The following TAS1R2 variants were observed in gnomAD, a reference collection of about 807,000 sequenced individuals.
TAS1R2 encodes taste 1 receptor member 2, also known as taste receptor type 1 member 2.
In TAS1R2, 47 loss-of-function variants were observed where a neutral mutation model predicts 49.3. The observed-to-expected ratio is 0.95, with a 90% CI of 0.75 to 1.22. The LOEUF (loss-of-function observed/expected upper bound fraction) is 1.22. TAS1R2 is among the 50% of genes most tolerant of loss of function. The pLI is 0.00. For missense variants in TAS1R2, 1,155 were observed against 1,122.1 expected (o/e 1.03, Z -0.42); for synonymous variants, 479 against 467.9 (o/e 1.02, Z -0.31).
At chr1:18,844,481 G>A (rs113724199) in intron 4 of TAS1R2, among the ~76,000 whole-genome samples, 16 of 152,338 alleles carry the variant, frequency 1.1e-4, no homozygotes, top group Admixed American at 2.6e-4. Flanking sequence ...GCCAGGCACC[G>A]TGGCTCATGC....
Position 18,841,859 on chromosome 1 carries a change from G to A in TAS1R2, c.1468-7C>T. 2 of 1,587,704 alleles carry A rather than the reference G, an allele frequency of 1.3e-6. No individual in the cohort carries two copies. Among genetic ancestry groups the A allele is most frequent in the Non-Finnish European group, 1.7e-6 (2 of 1,159,870 alleles). ...AACACATGGACATAGGGATCTGGAG[G>A]GAGGAGGGCAAGAGACCCTGAGTCC... is the stretch of plus-strand genomic sequence containing the variant. On this transcript the variant is annotated splice_polypyrimidine_tract_variant and splice_region_variant and intron_variant, in intron 4 of 5. Coordinates refer to ENST00000375371, the Ensembl canonical transcript of TAS1R2.
At chr1:18,846,686 C>A (rs1229821387) in intron 4 of TAS1R2, among the ~76,000 whole-genome samples, 2 of 152,184 alleles carry the variant, frequency 1.3e-5, no homozygotes, top group South Asian at 4.1e-4. Flanking sequence ...GGTCCTTAAT[C>A]TCATATGAGT....
chr1:18,848,774 T>C (rs868206621), intron 4 of TAS1R2, among the ~76,000 whole-genome samples: 3 of 152,214 alleles, frequency 2.0e-5, no homozygotes, highest in Admixed American at 6.5e-5. Flanking sequence ...TAATGTCTGA[T>C]GATCTGTTAC....
intron 5 of TAS1R2, among the ~76,000 whole-genome samples, chr1:18,840,916 C>T (rs943509763): frequency 6.6e-6 from 1 of 152,152 alleles, no homozygotes; most frequent in Non-Finnish European, 1.5e-5. Context: ...TTTTGAGCAC[C>T]ATCCATTGTG....
intron 3 of TAS1R2, among the ~76,000 whole-genome samples, chr1:18,851,044 G>A (rs1557598224): frequency 6.6e-6 from 1 of 152,226 alleles, no homozygotes; most frequent in Non-Finnish European, 1.5e-5. Flanking sequence ...AAGGCTCAGA[G>A]ATATTAAATT....
At chr1:18,849,123 C>T in intron 4 of TAS1R2, 2 of 571,856 alleles carry the variant, frequency 3.5e-6, no homozygotes, top group South Asian at 2.2e-5. Context: ...GGCCCCTGAG[C>T]CCCTCTTCCT....
chr1:18,849,780 C>A (rs1440966068), intron 3 of TAS1R2, among the ~76,000 whole-genome samples: 1 of 152,188 alleles, frequency 6.6e-6, no homozygotes, highest in Non-Finnish European at 1.5e-5. Context: ...TGCTGTGAGG[C>A]CTTGGGCCTG....
In TAS1R2 at chr1:18,849,375, A is replaced by T; in HGVS notation, c.1433T>A (p.Ile478Asn). 2.5e-6 allele frequency: 4 copies of T among 1,614,012 alleles called. No individual in the cohort carries two copies. The South Asian group carries it at 4.4e-5, about 18-fold the overall frequency. Residue 478 changes from isoleucine (I) to asparagine (N), a missense_variant, in exon 4 of 6, where the codon ATC becomes AAC. Ile to Asn is a moderately radical substitution (Grantham distance 149, BLOSUM62 -3). Transcript: ENST00000375371. ...GATGGTGTGCCAGGAGATGTCTTGGATGTTCTTCAGCTGTCGCTGCAGGGG... is the reference window on the plus strand; with the variant it reads ...GATGGTGTGCCAGGAGATGTCTTGGTTGTTCTTCAGCTGTCGCTGCAGGGG...
At chr1:18,850,222 G>A (rs1027934806) in intron 3 of TAS1R2, among the ~76,000 whole-genome samples, 6 of 152,166 alleles carry the variant, frequency 3.9e-5, no homozygotes, top group East Asian at 3.9e-4. Context: ...AGTTCTGTTC[G>A]CAATTTGCTG....
intron 3 of TAS1R2, among the ~76,000 whole-genome samples, chr1:18,851,687 C>A (rs1330811329): frequency 6.6e-6 from 1 of 152,122 alleles, no homozygotes; most frequent in Admixed American, 6.5e-5. Flanking sequence ...ATTTACCCAA[C>A]CTCCCACTGA....
exon 6 of TAS1R2, chr1:18,840,407 A>G (rs1933800759): frequency 3.1e-6 from 5 of 1,614,188 alleles, no homozygotes; most frequent in Non-Finnish European, 4.2e-6. Context: ...GGCGGCCAGC[A>G]GGGCCACAGC....
chr1:18,849,071 C>T (rs539696367), intron 4 of TAS1R2, among the ~76,000 whole-genome samples: 118 of 152,280 alleles, frequency 7.7e-4, no homozygotes, highest in African/African-American at 2.7e-3. Context: ...ATCATTAGCA[C>T]CAAGTCAGGC....
Position 18,854,538 on chromosome 1 carries a change from T to G in TAS1R2, c.932A>C (p.His311Pro). 6.2e-7 allele frequency: 1 copy of G among 1,613,848 alleles called. No homozygotes were observed. The change falls in exon 3 of 6, where the codon CAC (histidine) becomes CCC (proline). Residue 311 changes from histidine to proline, a missense_variant. By Grantham distance (77) the His-to-Pro change is moderately conservative. Coordinates refer to ENST00000375371, the Ensembl canonical transcript of TAS1R2. The surrounding 1 kb of genome is among the most constrained non-coding windows in gnomAD (Gnocchi z 4.9). Reference sequence around the variant, plus strand: ...CAAGTGGCGCAGCTCCGTGAGGTTGTGCAGGACCGGGTCGATGGCCCAGGA... The same window carrying G: ...CAAGTGGCGCAGCTCCGTGAGGTTGGGCAGGACCGGGTCGATGGCCCAGGA...
At chr1:18,857,073 G>C (rs1300973061) in intron 2 of TAS1R2, among the ~76,000 whole-genome samples, 5 of 152,232 alleles carry the variant, frequency 3.3e-5, no homozygotes, top group Non-Finnish European at 4.4e-5. Flanking sequence ...GGCTAGAAGA[G>C]TCAAGAGATT....
chr1:18,845,487 T>A (rs1933902114), intron 4 of TAS1R2, among the ~76,000 whole-genome samples: 5 of 152,176 alleles, frequency 3.3e-5, no homozygotes, highest in Admixed American at 3.3e-4. Flanking sequence ...GTGCTTCTCC[T>A]CTCTACAATC....
At chr1:18,852,305 G>A (rs750004338) in intron 3 of TAS1R2, among the ~76,000 whole-genome samples, 2 of 152,142 alleles carry the variant, frequency 1.3e-5, no homozygotes, top group Non-Finnish European at 2.9e-5. Context: ...CTTCATGAGG[G>A]GGTCCATTTA....
Position 18,859,589 on chromosome 1 carries a change from G to C in TAS1R2, c.72C>G (p.Asn24Lys), listed in dbSNP as rs1010731174. 2 of 1,614,242 alleles carry C rather than the reference G, an allele frequency of 1.2e-6. No homozygotes were observed. The highest frequency in any genetic ancestry group is 1.7e-6 in the Non-Finnish European group (2 of 1,180,050). The change falls in exon 1 of 6, where the codon AAC becomes AAG. Residue 24 changes from asparagine (N) to lysine (K), a missense_variant. Physicochemically the swap from Asn to Lys is moderately conservative, Grantham distance 94 (BLOSUM62 0). Coordinates refer to ENST00000375371, the Ensembl canonical transcript of TAS1R2. ...AATCCCCAGGCAGGTAGAAGTCCGA[G>C]TTCTCAGCCGGCTCAGCCAGGACCC...
intron 5 of TAS1R2, among the ~76,000 whole-genome samples, chr1:18,841,029 C>T (rs1933814986): frequency 6.6e-6 from 1 of 152,244 alleles, no homozygotes; most frequent in South Asian, 2.1e-4. Context: ...AATCATTCCA[C>T]AAACTTGTTC....
intron 2 of TAS1R2, among the ~76,000 whole-genome samples, chr1:18,856,425 C>T (rs1341743909): frequency 6.6e-6 from 1 of 152,152 alleles, no homozygotes; most frequent in African/African-American, 2.4e-5. Flanking sequence ...CCAGACACCC[C>T]CACCCTGCCC....
Sources: gnomAD v4.1 joint callset for allele counts (sites outside exome capture counted in the v4.1 genomes callset) on GRCh38, gnomAD v4.1.1 for gene constraint, Gnocchi (gnomAD v3.1) non-coding constraint, MANE v1.5 for transcripts, NCBI Gene and HGNC (gene_info 2026-07-23, HGNC 2026-07-21) for gene names.